The following CHD9 variants were observed in gnomAD, a reference collection of about 807,000 sequenced individuals.
CHD9 encodes the protein ATP-dependent chromatin remodeler CHD9.
In CHD9, 77 loss-of-function variants were observed where a neutral mutation model predicts 316.1. The ratio of observed to expected loss-of-function variants is 0.24; its 90% CI spans 0.20 to 0.29. The LOEUF (loss-of-function observed/expected upper bound fraction) is 0.29. Among genes scored for constraint, CHD9 ranks in the 10% least tolerant of loss-of-function variants. The pLI is 1.00. For missense variants in CHD9, 2,763 were observed against 3,438.1 expected, an observed-to-expected ratio of 0.80 and a Z score of 4.91; for synonymous variants, 1,129 against 1,158.3, an observed-to-expected ratio of 0.97 and a Z score of 0.51.
At chr16:53,266,279 T>G (rs1211633896) in intron 20 of CHD9, among the ~76,000 whole-genome samples, 2 of 152,180 alleles carry the variant, frequency 1.3e-5, no homozygotes, top group Admixed American at 6.5e-5. Flanking sequence ...TAACATCACC[T>G]GTCATAGGAC....
Position 53,268,106 on chromosome 16 carries a change from G to A in CHD9, c.4697G>A (p.Arg1566Gln), listed in dbSNP as rs369431664. The A allele has an allele frequency of 1.7e-5, 27 of 1,608,434 alleles. No homozygotes were observed. In the Admixed American group the frequency reaches 2.4e-4, roughly 14 times the overall value. ...LITPTEDGQT[R>Q]ELQNHLGLSA... ...ACTCCAACTGAAGATGGACAGACAC[G>A]AGAGCTACAGAATCATCTAGGTAAG... Residue 1566 changes from arginine to glutamine, a missense_variant, in exon 22 of 39, where the codon CGA (arginine) becomes CAA (glutamine). By Grantham distance (43) the Arg-to-Gln change is conservative. Coordinates refer to ENST00000447540, the MANE Select transcript of CHD9 (RefSeq NM_001308319.2).
chr16:53,118,338 C>A (rs1462090549), intron 1 of CHD9, among the ~76,000 whole-genome samples: 1 of 152,022 alleles, frequency 6.6e-6, no homozygotes, highest in Non-Finnish European at 1.5e-5. Context: ...AATCGCTTGA[C>A]CCTGGGAGGC....
chr16:53,184,855 G>A (rs970652949), intron 2 of CHD9, among the ~76,000 whole-genome samples: 2 of 152,066 alleles, frequency 1.3e-5, no homozygotes, highest in African/African-American at 2.4e-5. Flanking sequence ...GATCTCACAA[G>A]CCCCTTTTAT....
rs549335674 is a variant in CHD9, at chr16:53,122,847, T to C, written c.-164-33079T>C. On this transcript the variant is annotated intron_variant, in intron 1 of 38. Coordinates refer to ENST00000447540, the MANE Select transcript of CHD9 (RefSeq NM_001308319.2). ...TCAGCCTCCCGAGTAGCTGGGACTA[T>C]AGGCGCCCGCTACCACGCCCGGCTA... is the stretch of plus-strand genomic sequence containing the variant. Among the ~76,000 whole-genome samples the C allele has an allele frequency of 8.6e-5, 13 of 151,690 alleles. No homozygotes were observed. The South Asian group carries it at 2.1e-3, about 24-fold the overall frequency.
intron 1 of CHD9, among the ~76,000 whole-genome samples, chr16:53,129,452 G>A (rs1451836073): frequency 6.6e-6 from 1 of 152,202 alleles, no homozygotes; most frequent in African/African-American, 2.4e-5. Flanking sequence ...CCTTTCAGCA[G>A]GGTTTCTTCC....
chr16:53,316,839 GA>G (rs1384563483), intron 36 of CHD9, among the ~76,000 whole-genome samples: 1 of 152,074 alleles, frequency 6.6e-6, no homozygotes, highest in Non-Finnish European at 1.5e-5. Context: ...TCTCGTGGAT[GA>G]AAAAAGAGTA....
intron 1 of CHD9, among the ~76,000 whole-genome samples, chr16:53,083,026 A>G (rs2035165716): frequency 6.6e-6 from 1 of 152,214 alleles, no homozygotes; most frequent in Non-Finnish European, 1.5e-5. Flanking sequence ...TAACCTTGGT[A>G]CATATCACAG....
At chr16:53,193,136 A>G (rs2044608820) in intron 2 of CHD9, among the ~76,000 whole-genome samples, 1 of 152,094 alleles carries the variant, frequency 6.6e-6, no homozygotes, top group Admixed American at 6.5e-5. Flanking sequence ...GTCTAGCACT[A>G]AATATTTATT....
intron 1 of CHD9, among the ~76,000 whole-genome samples, chr16:53,147,936 G>A (rs2040765970): frequency 6.6e-6 from 1 of 152,116 alleles, no homozygotes; most frequent in Non-Finnish European, 1.5e-5. Flanking sequence ...AGGCGCGGTG[G>A]CCCATGGCTG....
At position 53,245,822 on chromosome 16, in the gene CHD9, A is replaced by C; in HGVS notation, c.3426A>C (p.Lys1142Asn). 6.5e-7 allele frequency: 1 copy of C among 1,548,250 alleles called. No homozygotes were observed. The highest frequency in any genetic ancestry group is 8.7e-7 in the Non-Finnish European group (1 of 1,150,680). The part of the protein sequence containing the change: ...NLVNTMMELR[K>N]CCNHPYLIKG... ...TCAATACCATGATGGAGCTCAGGAA[A>C]TGTTGTAATCATCCATATCTTATAA... Residue 1142 changes from lysine to asparagine, a missense_variant, in exon 15 of 39, where the codon AAA (lysine) becomes AAC (asparagine). This residue lies in a region of CHD9 where 155 missense variants were observed against 291.8 expected (regional missense o/e 0.53). Transcript: ENST00000447540. The surrounding 1 kb of genome is among the most constrained non-coding windows in gnomAD (Gnocchi z 4.1).
chr16:53,244,946 TA>T (rs2049446532), intron 13 of CHD9, among the ~76,000 whole-genome samples: 1 of 152,084 alleles, frequency 6.6e-6, no homozygotes, highest in South Asian at 2.1e-4. Flanking sequence ...ATCTCATCTC[TA>T]CAAAAAAATA....
chr16:53,243,096 T>C (rs1284369490), intron 13 of CHD9, 80 bp downstream of exon 13: 1 of 1,050,672 alleles, frequency 9.5e-7, no homozygotes, highest in Non-Finnish European at 1.3e-6. Flanking sequence ...ATGCTAAAAA[T>C]TTTTCTTTTT....
At chr16:53,107,304 A>G (rs577769061) in intron 1 of CHD9, among the ~76,000 whole-genome samples, 1 of 151,960 alleles carries the variant, frequency 6.6e-6, no homozygotes, top group East Asian at 1.9e-4. Context: ...TACTAAAAAT[A>G]CACAAATTAG....
chr16:53,135,912 A>C (rs1190784720), intron 1 of CHD9, among the ~76,000 whole-genome samples: 3 of 152,194 alleles, frequency 2.0e-5, no homozygotes, highest in African/African-American at 7.2e-5. Flanking sequence ...GAGAGAAATA[A>C]ATCAATATAA....
intron 2 of CHD9, among the ~76,000 whole-genome samples, chr16:53,200,370 CA>C (rs60076527): frequency 0.32 from 28,452 of 88,178 alleles, 2,515 homozygotes; most frequent in African/African-American, 0.33. Context: ...TACTCTGTCT[CA>C]AAAAAAAAAA....
rs2033612014 is a variant in CHD9, at chr16:53,067,226, A to G, written c.-165+12149A>G. ...CCAAAGTGTTGGGATTACAGACATG[A>G]GCCACAGAGCCGGTCTATCCTGTTA... On this transcript the variant is annotated intron_variant, in intron 1 of 38. Coordinates refer to ENST00000447540, the MANE Select transcript of CHD9 (RefSeq NM_001308319.2). Among the ~76,000 whole-genome samples, 4 of 152,222 alleles carry G rather than the reference A, an allele frequency of 2.6e-5. No homozygotes were observed. The South Asian group carries it at 8.3e-4, about 31-fold the overall frequency.
intron 2 of CHD9, among the ~76,000 whole-genome samples, chr16:53,180,512 G>C (rs1488195918): frequency 6.6e-6 from 1 of 152,034 alleles, no homozygotes; most frequent in Non-Finnish European, 1.5e-5. Flanking sequence ...GTATTTAGGG[G>C]AATTATAGAG....
chr16:53,090,076 A>T (rs1473753107), intron 1 of CHD9, among the ~76,000 whole-genome samples: 1 of 152,202 alleles, frequency 6.6e-6, no homozygotes, highest in Non-Finnish European at 1.5e-5. Flanking sequence ...CAGTCAAATG[A>T]GGATGGTTTG....
chr16:53,191,949 G>A (rs1334390782), intron 2 of CHD9, among the ~76,000 whole-genome samples: 1 of 151,622 alleles, frequency 6.6e-6, no homozygotes, highest in Non-Finnish European at 1.5e-5. Context: ...TTTAAATTTA[G>A]CCATTGATTA....
Sources: gnomAD v4.1 joint callset for allele counts (sites outside exome capture counted in the v4.1 genomes callset) on GRCh38, gnomAD v4.1.1 for gene constraint, gnomAD v4.1.1 regional missense constraint, Gnocchi (gnomAD v3.1) non-coding constraint, MANE v1.5 for transcripts, NCBI Gene and HGNC (gene_info 2026-07-23, HGNC 2026-07-21) for gene names.